Variants in PRKAR2B observed in about 807,000 individuals in gnomAD.
The protein encoded by PRKAR2B is protein kinase cAMP-dependent type II regulatory subunit beta, also known as cAMP-dependent protein kinase type II-beta regulatory subunit.
A neutral mutation model predicts 49.9 loss-of-function variants in PRKAR2B; 14 were observed. The ratio of observed to expected loss-of-function variants is 0.28; its 90% CI spans 0.19 to 0.44. The LOEUF (loss-of-function observed/expected upper bound fraction) is 0.44, where lower values mean the gene tolerates loss of function less well. Ranked by LOEUF, PRKAR2B falls within the 20% of genes least tolerant of loss-of-function variation. The pLI, the probability that PRKAR2B is intolerant of heterozygous loss-of-function variation, is 1.00. For missense variants in PRKAR2B, 393 were observed against 537.9 expected (o/e 0.73, Z 2.67); for synonymous variants, 196 against 197.7 (o/e 0.99, Z 0.07).
At chr7:107,045,683 A>G (rs1301785100) in intron 1 of PRKAR2B, among the ~76,000 whole-genome samples, 2 of 152,260 alleles carry the variant, frequency 1.3e-5, no homozygotes, top group African/African-American at 4.8e-5. Flanking sequence ...TACTGTTGTT[A>G]GGACGGTAGA....
intron 2 of PRKAR2B, among the ~76,000 whole-genome samples, chr7:107,083,239 A>G (rs953947817): frequency 9.9e-5 from 15 of 151,958 alleles, no homozygotes; most frequent in African/African-American, 3.6e-4. Flanking sequence ...AATAGAGTTT[A>G]TAATTCCCAA....
chr7:107,145,286 A>G (rs1430029338), intron 5 of PRKAR2B, among the ~76,000 whole-genome samples: 1 of 152,202 alleles, frequency 6.6e-6, no homozygotes, highest in African/African-American at 2.4e-5. Flanking sequence ...TTGCAGTGAA[A>G]CTTTATTTAC....
At chr7:107,082,266 A>G (rs1794528123) in intron 2 of PRKAR2B, among the ~76,000 whole-genome samples, 2 of 152,204 alleles carry the variant, frequency 1.3e-5, no homozygotes, top group African/African-American at 4.8e-5. Context: ...TGAATTCTGT[A>G]CCATAAAAAT....
intron 10 of PRKAR2B, among the ~76,000 whole-genome samples, chr7:107,157,548 A>G (rs1306830701): frequency 6.6e-6 from 1 of 152,244 alleles, no homozygotes. Flanking sequence ...TATATATGAA[A>G]TAACATCCCA....
At chr7:107,126,356 G>A (rs147641200) in intron 3 of PRKAR2B, among the ~76,000 whole-genome samples, 1 of 144,170 alleles carries the variant, frequency 6.9e-6, no homozygotes, top group Non-Finnish European at 1.5e-5. Context: ...GGGAGGCGGA[G>A]ATTGCAGTGA....
intron 2 of PRKAR2B, among the ~76,000 whole-genome samples, chr7:107,119,505 A>G (rs1019163473): frequency 2.6e-5 from 4 of 152,202 alleles, no homozygotes; most frequent in African/African-American, 9.6e-5. Flanking sequence ...GAAGTTGGCC[A>G]TCTCTGGGGA....
chr7:107,083,720 G>C (rs1288252809), intron 2 of PRKAR2B, among the ~76,000 whole-genome samples: 1 of 151,928 alleles, frequency 6.6e-6, no homozygotes, highest in Non-Finnish European at 1.5e-5. Flanking sequence ...TCAAGTGACT[G>C]TCCTGCCTCA....
At chr7:107,098,936 T>G (rs567700386) in intron 2 of PRKAR2B, among the ~76,000 whole-genome samples, 2 of 152,192 alleles carry the variant, frequency 1.3e-5, no homozygotes, top group Admixed American at 1.3e-4. Context: ...TACTGGGAGG[T>G]GTCTCCCAGT....
chr7:107,082,267 C>T (rs981221752), intron 2 of PRKAR2B, among the ~76,000 whole-genome samples: 8 of 152,018 alleles, frequency 5.3e-5, no homozygotes, highest in Admixed American at 3.9e-4. Flanking sequence ...GAATTCTGTA[C>T]CATAAAAATA....
At chr7:107,110,772 G>A (rs932025452) in intron 2 of PRKAR2B, among the ~76,000 whole-genome samples, 11 of 152,118 alleles carry the variant, frequency 7.2e-5, no homozygotes, top group Non-Finnish European at 1.3e-4. Flanking sequence ...CAATACTCAG[G>A]TAGTACACTG....
intron 1 of PRKAR2B, among the ~76,000 whole-genome samples, chr7:107,047,440 G>GT (rs1233852200): frequency 1.4e-3 from 203 of 144,064 alleles, no homozygotes; most frequent in Admixed American, 1.5e-3. Context: ...TTCTTCTTCA[G>GT]TTTTTTTTTT....
chr7:107,143,619 G>T (rs907198325), intron 5 of PRKAR2B, among the ~76,000 whole-genome samples: 1 of 152,116 alleles, frequency 6.6e-6, no homozygotes, highest in Non-Finnish European at 1.5e-5. Flanking sequence ...AAAAATGATG[G>T]CTTATTGGTA....
intron 1 of PRKAR2B, among the ~76,000 whole-genome samples, chr7:107,048,606 A>G (rs1347684884): frequency 1.3e-5 from 2 of 152,318 alleles, no homozygotes; most frequent in East Asian, 3.9e-4. Context: ...GGTTTAATCA[A>G]ATAAGCCAGG....
chr7:107,125,170 G>T (rs1795461903), intron 3 of PRKAR2B, among the ~76,000 whole-genome samples: 1 of 152,114 alleles, frequency 6.6e-6, no homozygotes, highest in South Asian at 2.1e-4. Flanking sequence ...GGTGTAGTTT[G>T]CTGATCCCTG....
chr7:107,059,279 A>G (rs558265437), intron 1 of PRKAR2B, among the ~76,000 whole-genome samples: 89 of 118,122 alleles, frequency 7.5e-4, no homozygotes, highest in African/African-American at 3.3e-3. Flanking sequence ...AAAAAAAGAA[A>G]AAAAGTTATT....
chr7:107,087,580 A>C (rs966904643), intron 2 of PRKAR2B, among the ~76,000 whole-genome samples: 4 of 152,176 alleles, frequency 2.6e-5, no homozygotes, highest in Non-Finnish European at 5.9e-5. Context: ...AAACTGATCC[A>C]GAGAGGTTAA....
At chr7:107,158,874 A>G (rs896880318) in intron 10 of PRKAR2B, among the ~76,000 whole-genome samples, 2 of 152,172 alleles carry the variant, frequency 1.3e-5, no homozygotes, top group African/African-American at 4.8e-5. Context: ...TTCTATTTAT[A>G]TATTATAAAT....
In PRKAR2B at chr7:107,045,103, G is replaced by C. The variant is rs1285830362; in HGVS notation, c.196G>C (p.Gly66Arg). Residue 66 changes from glycine (G) to arginine (R), a missense_variant, in exon 1 of 11, where the codon GGG (glycine) becomes CGG (arginine). Physicochemically the swap from Gly to Arg is moderately radical, Grantham distance 125 (BLOSUM62 -2). Around this residue, in one of 2 missense-constraint regions of PRKAR2B, gnomAD observed 160 missense variants for 147.6 expected, o/e 1.08. Coordinates refer to ENST00000265717, the MANE Select transcript of PRKAR2B (RefSeq NM_002736.3). Reference sequence around the variant, plus strand: ...CTGGGGGGACCTGGGCGCCGCTGCCGGGGGCGGCACCCCCAGCAAGGGGGT... The same window carrying C: ...CTGGGGGGACCTGGGCGCCGCTGCCCGGGGCGGCACCCCCAGCAAGGGGGT... ...RTWGDLGAAAGGGTPSKGVNF... is the reference protein window; with the variant it reads ...RTWGDLGAAARGGTPSKGVNF... The C allele has an allele frequency of 6.6e-7, 1 of 1,526,492 alleles. No individual in the cohort carries two copies. Among genetic ancestry groups the C allele is most frequent in the East Asian group, 2.5e-5 (1 of 40,512 alleles). 94.6% of individuals were successfully genotyped at this position (1,526,492 alleles called of 1,614,324 possible). A position where few individuals can be genotyped will look rare whatever the true frequency, so the allele number is the denominator to read the frequency against.
At chr7:107,072,704 A>G (rs975956328) in intron 2 of PRKAR2B, among the ~76,000 whole-genome samples, 1 of 152,208 alleles carries the variant, frequency 6.6e-6, no homozygotes, top group Non-Finnish European at 1.5e-5. Context: ...AGAGATGTAC[A>G]TTAACTTTTT....
Sources: allele counts gnomAD v4.1 joint callset (sites outside exome capture counted in the v4.1 genomes callset), GRCh38; gene constraint gnomAD v4.1.1; regional missense constraint gnomAD v4.1.1; transcripts MANE v1.5; gene names NCBI Gene and HGNC (gene_info 2026-07-23, HGNC 2026-07-21).